The following ASL variants were observed in gnomAD, a reference collection of about 807,000 sequenced individuals.
The protein encoded by ASL is argininosuccinate lyase, also known as argininosuccinase.
Under a neutral mutation model 69.1 loss-of-function variants are expected in ASL, and 51 were observed. The observed-to-expected ratio is 0.74, with a 90% confidence interval of 0.59 to 0.93. ASL has a LOEUF of 0.93. ASL is among the 40% of genes least tolerant of loss of function. The pLI is 0.00. For missense variants in ASL, 540 were observed against 623.9 expected, an observed-to-expected ratio of 0.87 and a Z score of 1.43; for synonymous variants, 241 against 247.6, an observed-to-expected ratio of 0.97 and a Z score of 0.25.
In ASL at chr7:66,082,452, G is replaced by T. The variant is rs201523601; in HGVS notation, c.291+1G>T. ...CACAGCCAATGAGCGCCGCCTGAAG[G>T]TACGACCCCTGGAGCCCCACCGCTT... On this transcript the variant is annotated splice_donor_variant, in intron 4 of 16. Coordinates refer to ENST00000304874, the MANE Select transcript of ASL (RefSeq NM_000048.4). LOFTEE classifies it high-confidence loss of function. 6.2e-7 allele frequency: 1 copy of T among 1,608,802 alleles called. No homozygotes were observed. Among genetic ancestry groups the T allele is most frequent in the East Asian group, 2.2e-5 (1 of 44,738 alleles).
chr7:66,082,480 C>T (rs1278134974), intron 4 of ASL, 29 bp downstream of exon 4: 1 of 1,597,446 alleles, frequency 6.3e-7, no homozygotes, highest in Non-Finnish European at 8.5e-7. Flanking sequence ...CACCGCTTTC[C>T]TTGCCTCCCC....
chr7:66,093,011 T>A lies in ASL; in HGVS notation c.*99T>A, dbSNP rs967841750. Reference sequence around the variant, plus strand: ...TCCCTCGTTGCTGGGCTTTCGGGGCTGGCCAGTGGGGACAGTCAGGGACTG... The same window carrying A: ...TCCCTCGTTGCTGGGCTTTCGGGGCAGGCCAGTGGGGACAGTCAGGGACTG... On this transcript the variant is annotated 3_prime_UTR_variant, in exon 17 of 17. Coordinates refer to ENST00000304874, the MANE Select transcript of ASL (RefSeq NM_000048.4). 2 of 1,525,888 alleles carry A rather than the reference T, an allele frequency of 1.3e-6. No individual in the cohort carries two copies. Among genetic ancestry groups the A allele is most frequent in the Non-Finnish European group, 1.8e-6 (2 of 1,139,814 alleles). The allele number at this position is 1,525,888 out of a possible 1,614,324, so 94.5% of individuals were successfully genotyped here. A position where few individuals can be genotyped will look rare whatever the true frequency, so the allele number is the denominator to read the frequency against.
intron 9 of ASL, 67 bp from the exon 10 acceptor site, chr7:66,087,662 C>T (rs1408551637): frequency 1.3e-5 from 21 of 1,594,242 alleles, no homozygotes; most frequent in South Asian, 4.4e-5. Context: ...GGCTGGGCAA[C>T]CTAGTTGGGG....
At chr7:66,079,147 G>A (rs1225726345) in intron 2 of ASL, among the ~76,000 whole-genome samples, 1 of 152,054 alleles carries the variant, frequency 6.6e-6, no homozygotes, top group Non-Finnish European at 1.5e-5. Context: ...TCCATCTCCT[G>A]ACCTCGTGAT....
chr7:66,092,980 C>A lies in ASL; in HGVS notation c.*68C>A. The A allele has an allele frequency of 6.5e-7, 1 of 1,544,786 alleles. No individual in the cohort carries two copies. Among genetic ancestry groups the A allele is most frequent in the Non-Finnish European group, 8.7e-7 (1 of 1,152,458 alleles). On this transcript the variant is annotated 3_prime_UTR_variant, in exon 17 of 17. Coordinates refer to ENST00000304874, the MANE Select transcript of ASL (RefSeq NM_000048.4). The stretch of plus-strand genomic sequence containing the variant: ...GGCTGCTGTGTGTTTCCTGCCCCAG[C>A]CTGGCTCCCTCGTTGCTGGGCTTTC...
chr7:66,083,697 A>T (rs1039105064), intron 6 of ASL, among the ~76,000 whole-genome samples: 5 of 151,918 alleles, frequency 3.3e-5, no homozygotes, highest in Non-Finnish European at 5.9e-5. Flanking sequence ...AAAAAAAGAA[A>T]AAAAAAAAAG....
Position 66,083,850 on chromosome 7 carries a change from A to G in ASL, c.446+676A>G, listed in dbSNP as rs147242466. 1.2e-3 allele frequency among the ~76,000 whole-genome samples: 184 copies of G among 152,060 alleles called. 1 individual carries two copies. The highest frequency in any genetic ancestry group is 4.3e-3 in the African/African-American group (179 of 41,492). On this transcript the variant is annotated intron_variant, in intron 6 of 16. Transcript: ENST00000304874. ...TAAGCTTCGCCTCCCCATCCAGCCC[A>G]TCTGGCAAAAGACAGAGCCAAAGGC...
At position 66,075,979 on chromosome 7, in the gene ASL, C is replaced by G. The variant is rs140499284; in HGVS notation, c.-43-60C>G. On this transcript the variant is annotated intron_variant, in intron 1 of 16. Transcript: ENST00000304874. ...AAGCGCAGTGCCCAGAACTCGGAGC[C>G]AGCCCGGCCCGGGGGACCCTGCTGG... 1.0e-3 allele frequency: 1,573 copies of G among 1,505,520 alleles called. 4 individuals are homozygous for G. Among genetic ancestry groups the G allele is most frequent in the Middle Eastern group, 6.7e-3 (32 of 4,778 alleles). 93.3% of individuals were successfully genotyped at this position (1,505,520 alleles called of 1,614,324 possible). A position where few individuals can be genotyped will look rare whatever the true frequency, so the allele number is the denominator to read the frequency against.
At chr7:66,087,910 G>T in intron 10 of ASL, 119 bp downstream of exon 10, 1 of 1,339,608 alleles carries the variant, frequency 7.5e-7, no homozygotes. Context: ...ATTGTACACT[G>T]AAGTATAAAC....
intron 13 of ASL, 68 bp from the exon 14 acceptor site, chr7:66,089,544 G>C (rs1270910533): frequency 1.4e-5 from 21 of 1,551,322 alleles, no homozygotes; most frequent in Admixed American, 1.7e-5. Context: ...CAGTGGGGGG[G>C]TGGGGCTGTG....
At chr7:66,085,311 T>C (rs1311762478) in intron 6 of ASL, among the ~76,000 whole-genome samples, 1 of 152,022 alleles carries the variant, frequency 6.6e-6, no homozygotes, top group Non-Finnish European at 1.5e-5. Flanking sequence ...ACCCCATCTC[T>C]ACTAAAAATA....
At chr7:66,088,689 T>A (rs1000711229) in intron 10 of ASL, 118 bp from the exon 11 acceptor site, 12 of 845,134 alleles carry the variant, frequency 1.4e-5, no homozygotes, top group Middle Eastern at 3.1e-4. Flanking sequence ...CGACCCCATC[T>A]TTGCGAAAAA....
Position 66,087,798 on chromosome 7 carries a change from C to T in ASL, c.718+7C>T. ...AGTGAGCGGGACTTTGTGGGTGAGTCCTGGGGAGCCAGTCCCCTGCCCTGT... is the reference window on the plus strand; with the variant it reads ...AGTGAGCGGGACTTTGTGGGTGAGTTCTGGGGAGCCAGTCCCCTGCCCTGT... On this transcript the variant is annotated splice_region_variant and intron_variant, in intron 10 of 16. Transcript: ENST00000304874. The T allele has an allele frequency of 6.2e-7, 1 of 1,614,148 alleles. No homozygotes were observed. The highest frequency in any genetic ancestry group is 1.6e-4 in the Middle Eastern group (1 of 6,062).
chr7:66,087,300 G>A, intron 8 of ASL, 34 bp from the exon 9 acceptor site: 1 of 1,590,206 alleles, frequency 6.3e-7, no homozygotes, highest in Non-Finnish European at 8.5e-7. Flanking sequence ...TGCCTGCCAG[G>A]AGCCCTGGTC....
chr7:66,086,080 C>T (rs1159463838), intron 6 of ASL, among the ~76,000 whole-genome samples: 1 of 152,108 alleles, frequency 6.6e-6, no homozygotes, highest in Admixed American at 6.6e-5. Context: ...AGAACGAGAC[C>T]TTGTCTCTAA....
chr7:66,082,272 A>G, intron 3 of ASL, 96 bp from the exon 4 acceptor site: 1 of 1,315,178 alleles, frequency 7.6e-7, no homozygotes. Flanking sequence ...GGGCAGGGAC[A>G]GTCAGTCACC....
chr7:66,082,582 C>T (rs1413509833), intron 4 of ASL, 131 bp downstream of exon 4: 1 of 1,107,670 alleles, frequency 9.0e-7, no homozygotes, highest in Non-Finnish European at 1.3e-6. Flanking sequence ...GGACATGAGC[C>T]AGGCACCCTG....
intron 8 of ASL, chr7:66,087,081 G>A: frequency 1.6e-6 from 1 of 641,152 alleles, no homozygotes; most frequent in Middle Eastern, 4.2e-4. Context: ...CATGTGTCAG[G>A]AGACAAGTGT....
At chr7:66,080,792 A>T (rs1310768459) in intron 2 of ASL, among the ~76,000 whole-genome samples, 2 of 152,144 alleles carry the variant, frequency 1.3e-5, no homozygotes, top group Non-Finnish European at 2.9e-5. Flanking sequence ...GGAGTAAGGG[A>T]TCACCCAGTG....
Sources: gnomAD v4.1 joint callset for allele counts (sites outside exome capture counted in the v4.1 genomes callset) on GRCh38, gnomAD v4.1.1 for gene constraint, MANE v1.5 for transcripts, NCBI Gene and HGNC (gene_info 2026-07-23, HGNC 2026-07-21) for gene names.